RAB3GAP1: variants seen among roughly 807,000 people sequenced by gnomAD.
The protein encoded by RAB3GAP1 is rab3 GTPase-activating protein catalytic subunit.
RAB3GAP1 carries 86 observed loss-of-function variants against 130.7 expected under a neutral mutation model. The ratio of observed to expected loss-of-function variants is 0.66; its 90% CI spans 0.55 to 0.79. The LOEUF (loss-of-function observed/expected upper bound fraction) is 0.79. RAB3GAP1 is among the 30% of genes least tolerant of loss of function. The pLI is 0.00. For synonymous variants in RAB3GAP1, 367 were observed against 401.7 expected (o/e 0.91, Z 1.03); for missense variants, 1,029 against 1,169.4 (o/e 0.88, Z 1.75).
intron 2 of RAB3GAP1, among the ~76,000 whole-genome samples, chr2:135,056,215 T>C (rs1486421311): frequency 6.6e-6 from 1 of 151,864 alleles, no homozygotes; most frequent in Non-Finnish European, 1.5e-5. Context: ...TTTTCTTTTT[T>C]ATTTTGAGAC....
chr2:135,117,528 T>TCTTCTG (rs1691025850), intron 7 of RAB3GAP1, among the ~76,000 whole-genome samples: 1 of 124,796 alleles, frequency 8.0e-6, no homozygotes, highest in African/African-American at 3.2e-5. Flanking sequence ...TTCTGCTTCT[T>TCTTCTG]CTGCTTCTTC....
chr2:135,165,571 A>G (rs1185475975), intron 23 of RAB3GAP1, among the ~76,000 whole-genome samples: 1 of 152,254 alleles, frequency 6.6e-6, no homozygotes, highest in African/African-American at 2.4e-5. Context: ...TCATAGCCAA[A>G]TACACTGATA....
intron 22 of RAB3GAP1, 43 bp downstream of exon 22, chr2:135,163,144 A>G: frequency 7.5e-7 from 1 of 1,336,728 alleles, no homozygotes; most frequent in Non-Finnish European, 1.1e-6. Context: ...GCAGTAGGAA[A>G]AGCCACCACT....
chr2:135,089,675 G>C (rs1690087919), intron 3 of RAB3GAP1: 1 of 184,908 alleles, frequency 5.4e-6, no homozygotes, highest in South Asian at 7.6e-5. Flanking sequence ...GCGAAGACTT[G>C]AAACCAACCC....
chr2:135,095,337 C>T (rs995973740), intron 5 of RAB3GAP1, among the ~76,000 whole-genome samples: 9 of 152,188 alleles, frequency 5.9e-5, no homozygotes, highest in African/African-American at 1.9e-4. Flanking sequence ...CGTGAGCCAC[C>T]GCGCCCGGCC....
chr2:135,152,686 C>T (rs140858472), intron 18 of RAB3GAP1, among the ~76,000 whole-genome samples: 4 of 152,192 alleles, frequency 2.6e-5, no homozygotes, highest in Admixed American at 2.0e-4. Context: ...AGGGGTATAT[C>T]CTAAGATGGT....
chr2:135,168,463 T>C lies in RAB3GAP1; in HGVS notation c.2710-82T>C, dbSNP rs552305392. On this transcript the variant is annotated intron_variant, in intron 23 of 23. Transcript: ENST00000264158. ...ACGTGGGACATTTTCATATCTTTAT[T>C]ATGTTAATTCATCTGTCCTTCAAAA... 56 of 1,093,768 alleles carry C rather than the reference T, an allele frequency of 5.1e-5. No individual in the cohort carries two copies. The Admixed American group carries it at 5.4e-4, about 11-fold the overall frequency. 67.8% of individuals were successfully genotyped at this position (1,093,768 alleles called of 1,614,324 possible). A position where few individuals can be genotyped will look rare whatever the true frequency, so the allele number is the denominator to read the frequency against.
chr2:135,141,065 A>G (rs1691824170), intron 17 of RAB3GAP1, among the ~76,000 whole-genome samples: 1 of 150,250 alleles, frequency 6.7e-6, no homozygotes, highest in African/African-American at 2.4e-5. Flanking sequence ...CCATTTGTCT[A>G]TCTTCTTGGT....
Position 135,163,003 on chromosome 2 carries a change from T to A in RAB3GAP1, c.2508T>A (p.Ile836=). 1.2e-6 allele frequency: 2 copies of A among 1,613,644 alleles called. No homozygotes were observed. Among genetic ancestry groups the A allele is most frequent in the Non-Finnish European group, 1.7e-6 (2 of 1,179,562 alleles). Residue 836 remains isoleucine, a synonymous_variant, in exon 22 of 24, where the codon ATT becomes ATA. Transcript: ENST00000264158. ...DKKLEEIIHQ[I]TNVEALIARA... ...ACCGCCAGGAAATCATTCACCAGAT[T>A]ACTAATGTGGAAGCTCTCATTGCCA... is the stretch of plus-strand genomic sequence containing the variant.
At chr2:135,074,013 G>A (rs1251747808) in intron 3 of RAB3GAP1, among the ~76,000 whole-genome samples, 1 of 152,204 alleles carries the variant, frequency 6.6e-6, no homozygotes, top group Admixed American at 6.5e-5. Context: ...CTATTGGAAA[G>A]GATCTCCTGG....
chr2:135,148,581 G>A (rs1413035884), intron 17 of RAB3GAP1, among the ~76,000 whole-genome samples: 1 of 146,422 alleles, frequency 6.8e-6, no homozygotes, highest in Non-Finnish European at 1.5e-5. Context: ...TGCAACCTCT[G>A]CCTTCTGGGT....
At chr2:135,113,398 T>A in intron 6 of RAB3GAP1, 128 bp downstream of exon 6, 1 of 1,237,868 alleles carries the variant, frequency 8.1e-7, no homozygotes, top group Non-Finnish European at 1.1e-6. Flanking sequence ...ATTGTTAAAC[T>A]AAATTTGACT....
Position 135,147,305 on chromosome 2 carries a change from C to T in RAB3GAP1, c.1924-3064C>T, listed in dbSNP as rs544425082. ...AGGTTACAGTGAGCTGAGATCGCAC[C>T]GCTGCACTTCAGCCTGGATGACAGA... On this transcript the variant is annotated intron_variant, in intron 17 of 23. Coordinates refer to ENST00000264158, the MANE Select transcript of RAB3GAP1 (RefSeq NM_012233.3). Among the ~76,000 whole-genome samples, 7 of 150,242 alleles carry T rather than the reference C, an allele frequency of 4.7e-5. No homozygotes were observed. The South Asian group carries it at 1.1e-3, about 23-fold the overall frequency.
chr2:135,130,598 A>C lies in RAB3GAP1; in HGVS notation c.1113A>C (p.Ala371=), dbSNP rs780827916. ...CTTTGTCAAAATTGACAGAGCCGGC[A>C]TCAGTTCCAATTCATAAATTATCAG... ...THALSKLTEP[A]SVPIHKLSVS... The change falls in exon 13 of 24, where the codon GCA becomes GCC. Residue 371 remains alanine, a synonymous_variant. Transcript: ENST00000264158. 3.7e-6 allele frequency: 6 copies of C among 1,613,872 alleles called. No individual in the cohort carries two copies. Among genetic ancestry groups the C allele is most frequent in the Admixed American group, 1.7e-5 (1 of 60,022 alleles).
intron 17 of RAB3GAP1, among the ~76,000 whole-genome samples, chr2:135,140,583 G>C (rs1691809668): frequency 2.0e-5 from 3 of 152,214 alleles, no homozygotes; most frequent in Admixed American, 2.0e-4. Context: ...CCCTACTGTA[G>C]TTACACAGAG....
intron 17 of RAB3GAP1, among the ~76,000 whole-genome samples, chr2:135,139,221 T>C (rs973066015): frequency 6.6e-6 from 1 of 152,190 alleles, no homozygotes; most frequent in African/African-American, 2.4e-5. Context: ...TACTTAATTA[T>C]TGAGTTATAA....
intron 17 of RAB3GAP1, among the ~76,000 whole-genome samples, chr2:135,148,796 G>A (rs955066819): frequency 6.6e-6 from 1 of 151,146 alleles, no homozygotes; most frequent in African/African-American, 2.4e-5. Flanking sequence ...ACAGGCTTGA[G>A]CCATCACGCC....
At chr2:135,123,052 G>C (rs941189571) in intron 8 of RAB3GAP1, among the ~76,000 whole-genome samples, 3 of 152,010 alleles carry the variant, frequency 2.0e-5, no homozygotes, top group Non-Finnish European at 4.4e-5. Flanking sequence ...GTCTTTCTTA[G>C]AGATGTAAGT....
intron 5 of RAB3GAP1, among the ~76,000 whole-genome samples, chr2:135,103,095 G>A (rs1690500044): frequency 7.3e-6 from 1 of 136,314 alleles, no homozygotes; most frequent in South Asian, 2.4e-4. Context: ...GGAGTGCAGT[G>A]GCGAAATCTT....
Sources: gnomAD v4.1 joint callset for allele counts (sites outside exome capture counted in the v4.1 genomes callset) on GRCh38, gnomAD v4.1.1 for gene constraint, MANE v1.5 for transcripts, NCBI Gene and HGNC (gene_info 2026-07-23, HGNC 2026-07-21) for gene names.